The following ANKFN1 variants were observed in gnomAD, a reference collection of about 807,000 sequenced individuals.
The protein encoded by ANKFN1 is ankyrin repeat and fibronectin type-III domain-containing protein 1.
ANKFN1 carries 74 observed loss-of-function variants against 108.7 expected under a neutral mutation model. The observed-to-expected ratio is 0.68, with a 90% CI of 0.56 to 0.83. The LOEUF (loss-of-function observed/expected upper bound fraction) is 0.83. ANKFN1 is among the 40% of genes least tolerant of loss of function. The probability of loss-of-function intolerance (pLI) is 0.00; values close to 1 mark genes in which losing one functional copy is unlikely to be tolerated. For synonymous variants in ANKFN1, 547 were observed against 516.2 expected (o/e 1.06, Z -0.81); for missense variants, 1,505 against 1,382.3 (o/e 1.09, Z -1.41).
intron 8 of ANKFN1, among the ~76,000 whole-genome samples, chr17:56,384,479 C>A (rs1182652220): frequency 1.3e-5 from 2 of 152,100 alleles, no homozygotes; most frequent in African/African-American, 4.8e-5. Context: ...CTGGCCAGGG[C>A]AATTAGGCAG....
intron 19 of ANKFN1, among the ~76,000 whole-genome samples, chr17:56,495,442 C>T (rs1046048959): frequency 2.6e-5 from 4 of 152,036 alleles, no homozygotes; most frequent in Non-Finnish European, 2.9e-5. Flanking sequence ...CAGAAGTGAC[C>T]GCCAGTTGTG....
intron 8 of ANKFN1, among the ~76,000 whole-genome samples, chr17:56,428,865 CTT>C (rs527417362): frequency 9.8e-5 from 13 of 132,434 alleles, no homozygotes; most frequent in Admixed American, 1.5e-4. Context: ...ACAAAAAGTG[CTT>C]TTTTTTTTTT....
intron 3 of ANKFN1, among the ~76,000 whole-genome samples, chr17:56,238,503 C>G (rs1370047099): frequency 2.6e-5 from 4 of 152,164 alleles, no homozygotes; most frequent in African/African-American, 9.6e-5. Flanking sequence ...GTTAGACCTT[C>G]TTATTGAATT....
chr17:56,065,712 A>G (rs1905049598), intron 4 of ANKFN1, among the ~76,000 whole-genome samples: 1 of 152,210 alleles, frequency 6.6e-6, no homozygotes, highest in Non-Finnish European at 1.5e-5. Flanking sequence ...TTGCCATTTA[A>G]GTTATCTGTC....
At position 56,090,887 on chromosome 17, in the gene ANKFN1, T is replaced by C. The variant is rs550074275; in HGVS notation, c.288+44562T>C. Among the ~76,000 whole-genome samples, 3 of 151,398 alleles carry C rather than the reference T, an allele frequency of 2.0e-5. No individual in the cohort carries two copies. In the East Asian group the frequency reaches 5.8e-4, roughly 29 times the overall value. On this transcript the variant is annotated intron_variant, in intron 4 of 12. Coordinates refer to the ANKFN1 transcript ENST00000635860. Reference sequence around the variant, plus strand: ...CATCCCAAAGTGCTGGGATTACAGGTGTGAGCCACCGTGCCTGGCTAGGCG... The same window carrying C: ...CATCCCAAAGTGCTGGGATTACAGGCGTGAGCCACCGTGCCTGGCTAGGCG...
At chr17:56,401,044 T>G (rs1365610161) in intron 8 of ANKFN1, among the ~76,000 whole-genome samples, 7 of 152,168 alleles carry the variant, frequency 4.6e-5, no homozygotes, top group Non-Finnish European at 7.4e-5. Flanking sequence ...TTATTCTTTT[T>G]GCTTAGTCTT....
chr17:56,462,738 A>G (rs535388159), intron 14 of ANKFN1, among the ~76,000 whole-genome samples: 1 of 152,270 alleles, frequency 6.6e-6, no homozygotes, highest in South Asian at 2.1e-4. Flanking sequence ...CCAGTTTTGT[A>G]TACTACTGCC....
intron 4 of ANKFN1, among the ~76,000 whole-genome samples, chr17:56,072,660 C>G (rs6505033): frequency 0.79 from 120,628 of 152,182 alleles, 48,521 homozygotes; most frequent in African/African-American, 0.9. Flanking sequence ...CTTGTAGCAG[C>G]TTTCTCTTCG....
At chr17:56,448,986 TA>T in intron 10 of ANKFN1, 92 bp from the exon 11 acceptor site, 1 of 977,310 alleles carries the variant, frequency 1.0e-6, no homozygotes. Flanking sequence ...AGACTGTGGG[TA>T]GTATGAGCAA....
At chr17:56,228,164 G>A in intron 3 of ANKFN1, 2 of 490,590 alleles carry the variant, frequency 4.1e-6, no homozygotes, top group Non-Finnish European at 7.1e-6. Context: ...ACTTAATTGT[G>A]GTTGTGACAA....
intron 1 of ANKFN1, among the ~76,000 whole-genome samples, chr17:56,207,963 G>A (rs531624270): frequency 6.6e-6 from 1 of 152,208 alleles, no homozygotes; most frequent in East Asian, 1.9e-4. Context: ...GACTCCATCT[G>A]GACCCAAATA....
At chr17:56,085,215 A>G (rs1905296041) in intron 4 of ANKFN1, among the ~76,000 whole-genome samples, 1 of 148,188 alleles carries the variant, frequency 6.7e-6, no homozygotes, top group Admixed American at 6.8e-5. Flanking sequence ...ATATCTCCAC[A>G]TCCTAATCCT....
chr17:56,147,609 A>T lies in ANKFN1; in HGVS notation c.289-80308A>T, dbSNP rs559779735. ...CCCTATCATGAGAACCGCCCCCATG[A>T]TTCACTTATCTCCACCTGGTCCCAC... On this transcript the variant is annotated intron_variant, in intron 4 of 12. Transcript: ENST00000635860. Among the ~76,000 whole-genome samples, 37 of 152,282 alleles carry T rather than the reference A, an allele frequency of 2.4e-4. No homozygotes were observed. In the South Asian group the frequency reaches 6.6e-3, roughly 27 times the overall value.
rs560307778 is a variant in ANKFN1 at position 56,453,419 on chromosome 17, T to C, written c.1208-3442T>C. ...TGTTTTTCTATATGGCTATAATAATTAATCCCCAAACTATTCTTGAATTAA... is the reference window on the plus strand; with the variant it reads ...TGTTTTTCTATATGGCTATAATAATCAATCCCCAAACTATTCTTGAATTAA... On this transcript the variant is annotated intron_variant, in intron 11 of 20. Transcript: ENST00000682825. Among the ~76,000 whole-genome samples, 3 of 152,334 alleles carry C rather than the reference T, an allele frequency of 2.0e-5. No homozygotes were observed. In the South Asian group the frequency reaches 6.2e-4, roughly 32 times the overall value.
At chr17:56,326,805 T>G (rs988111498) in intron 4 of ANKFN1, among the ~76,000 whole-genome samples, 1 of 152,224 alleles carries the variant, frequency 6.6e-6, no homozygotes, top group Admixed American at 6.5e-5. Flanking sequence ...GATATATTAC[T>G]GTCTTTAATC....
intron 18 of ANKFN1, among the ~76,000 whole-genome samples, chr17:56,485,894 G>A (rs935194811): frequency 6.6e-6 from 1 of 152,162 alleles, no homozygotes; most frequent in Non-Finnish European, 1.5e-5. Context: ...GGTCCAGCAG[G>A]AGGCTGGAAA....
chr17:56,423,289 G>A (rs2048465819), intron 8 of ANKFN1, among the ~76,000 whole-genome samples: 1 of 152,162 alleles, frequency 6.6e-6, no homozygotes, highest in Non-Finnish European at 1.5e-5. Context: ...GAAGTCAGAG[G>A]TTGTATAGCT....
intron 3 of ANKFN1, among the ~76,000 whole-genome samples, chr17:56,255,804 T>C (rs1266906479): frequency 1.3e-5 from 2 of 152,192 alleles, no homozygotes; most frequent in African/African-American, 2.4e-5. Flanking sequence ...TTATCATTAC[T>C]TGTTAAGCAT....
intron 8 of ANKFN1, among the ~76,000 whole-genome samples, chr17:56,434,776 C>T (rs897880526): frequency 9.1e-6 from 1 of 109,622 alleles, no homozygotes; most frequent in African/African-American, 2.5e-5. Context: ...TTTCTCGGCA[C>T]GTCCTTCTCT....
Sources: gnomAD v4.1 joint callset for allele counts (sites outside exome capture counted in the v4.1 genomes callset) on GRCh38, gnomAD v4.1.1 for gene constraint, MANE v1.5 for transcripts, NCBI Gene and HGNC (gene_info 2026-07-23, HGNC 2026-07-21) for gene names.